Variants in TG observed in about 807,000 individuals in gnomAD.
TG encodes thyroglobulin, also known as thyroid hormones.
Under a neutral mutation model 324.7 loss-of-function variants are expected in TG, and 270 were observed. The observed-to-expected ratio is 0.83, with a 90% CI of 0.75 to 0.92. The LOEUF is 0.92. TG is among the 40% of genes least tolerant of loss of function. The pLI is 0.00. For missense variants in TG, 3,591 were observed against 3,456.4 expected (o/e 1.04, Z -0.98); for synonymous variants, 1,401 against 1,327.0 (o/e 1.06, Z -1.21).
At chr8:132,933,816 G>A in intron 24 of TG, 140 bp downstream of exon 24, 2 of 791,814 alleles carry the variant, frequency 2.5e-6, no homozygotes, top group Non-Finnish European at 4.4e-6. Context: ...TTTCTTCAAA[G>A]CAATGGGACT....
intron 35 of TG, chr8:132,994,608 T>C: frequency 8.7e-7 from 1 of 1,149,496 alleles, no homozygotes; most frequent in Non-Finnish European, 1.1e-6. Flanking sequence ...TAAATGATCC[T>C]TCAGTCATCC....
intron 8 of TG, among the ~76,000 whole-genome samples, chr8:132,884,000 G>T (rs1200960282): frequency 6.6e-6 from 1 of 152,140 alleles, no homozygotes; most frequent in Non-Finnish European, 1.5e-5. Flanking sequence ...AGCAATCTGT[G>T]CATTCTTTGG....
Position 132,972,664 on chromosome 8 carries a change from G to A in TG, c.6122G>A (p.Gly2041Glu). 1 of 1,613,704 alleles carries A rather than the reference G, an allele frequency of 6.2e-7. No individual in the cohort carries two copies. Among genetic ancestry groups the A allele is most frequent in the Middle Eastern group, 1.7e-4 (1 of 6,056 alleles). The change falls in exon 34 of 48, where the codon GGA becomes GAA. Residue 2041 changes from glycine (G) to glutamate (E), a missense_variant. Physicochemically the swap from Gly to Glu is moderately conservative, Grantham distance 98 (BLOSUM62 -2). Transcript: ENST00000220616. ...GIQMCSEENG[G>E]AWRILDCGSP... ...CAGATGTGCAGTGAGGAGAATGGAG[G>A]AGCCTGGCGCATTTTGGACTGTGGC...
chr8:132,967,021 C>G (rs1828663158), intron 30 of TG, among the ~76,000 whole-genome samples: 1 of 147,730 alleles, frequency 6.8e-6, no homozygotes, highest in African/African-American at 2.6e-5. Context: ...TCCCATCCAT[C>G]CTTCCATCCC....
chr8:132,912,435 T>G (rs1277710896), intron 19 of TG, among the ~76,000 whole-genome samples: 1 of 152,040 alleles, frequency 6.6e-6, no homozygotes, highest in African/African-American at 2.4e-5. Context: ...AGCCAAAATG[T>G]TTGCTATGTG....
At chr8:132,964,776 A>T in intron 29 of TG, 1 of 634,682 alleles carries the variant, frequency 1.6e-6, no homozygotes, top group Admixed American at 2.5e-5. Context: ...GGCTAGTGAG[A>T]ATTCCATGTG....
In TG at chr8:133,011,922, C is replaced by A; in HGVS notation, c.6284C>A (p.Ser2095Tyr). Reference sequence around the variant, plus strand: ...CTAGTGTCTCTGGACTCGTGGCAGTCCCTGGCCCTCTCTTCAGTGGTTGTT... The same window carrying A: ...CTAGTGTCTCTGGACTCGTGGCAGTACCTGGCCCTCTCTTCAGTGGTTGTT... ...TEKVSLDSWQSLALSSVVVDP... is the reference protein window; with the variant it reads ...TEKVSLDSWQYLALSSVVVDP... The change falls in exon 36 of 48, where the codon TCC becomes TAC. Residue 2095 changes from serine to tyrosine, a missense_variant. Ser to Tyr is a moderately radical substitution (Grantham distance 144). Transcript: ENST00000220616. 6.2e-7 allele frequency: 1 copy of A among 1,614,198 alleles called. No individual in the cohort carries two copies. Among genetic ancestry groups the A allele is most frequent in the Admixed American group, 1.7e-5 (1 of 60,030 alleles).
At chr8:133,021,449 T>A (rs1413010510) in intron 39 of TG, among the ~76,000 whole-genome samples, 1 of 152,230 alleles carries the variant, frequency 6.6e-6, no homozygotes, top group Non-Finnish European at 1.5e-5. Context: ...CACTCTGCAA[T>A]GTGGGAGAAG....
At chr8:132,905,006 T>C (rs946430089) in intron 16 of TG, among the ~76,000 whole-genome samples, 1 of 152,210 alleles carries the variant, frequency 6.6e-6, no homozygotes, top group African/African-American at 2.4e-5. Context: ...TGCCTCAGTA[T>C]TGGCGTCTGT....
In TG at chr8:132,906,934, G is replaced by C. The variant is rs116597590; in HGVS notation, c.3847+34G>C. ...CATCAGAGCATCTATCCTGCACCCC[G>C]CTCCCTCTCAGGGCTAGGGCTGGGA... On this transcript the variant is annotated intron_variant, in intron 17 of 47. Transcript: ENST00000220616. 1,279 of 1,577,996 alleles carry C rather than the reference G, an allele frequency of 8.1e-4. 12 individuals carry two copies. In the African/African-American group the frequency reaches 0.015, roughly 19 times the overall value.
At chr8:132,927,011 C>T (rs912294474) in intron 22 of TG, among the ~76,000 whole-genome samples, 3 of 152,130 alleles carry the variant, frequency 2.0e-5, no homozygotes, top group Non-Finnish European at 4.4e-5. Context: ...GAAATATTTC[C>T]AGTTCATCTT....
chr8:132,946,301 T>C (rs1359210694), intron 26 of TG, among the ~76,000 whole-genome samples: 1 of 152,162 alleles, frequency 6.6e-6, no homozygotes, highest in Non-Finnish European at 1.5e-5. Flanking sequence ...CACAAAATCC[T>C]TTTTTTCCAT....
chr8:133,045,640 C>T (rs1333725741), intron 41 of TG, among the ~76,000 whole-genome samples: 1 of 152,052 alleles, frequency 6.6e-6, no homozygotes. Context: ...AGTGATCCGC[C>T]CACCTCGGCC....
At chr8:133,068,167 C>T (rs1206508898) in intron 41 of TG, among the ~76,000 whole-genome samples, 2 of 152,240 alleles carry the variant, frequency 1.3e-5, no homozygotes, top group African/African-American at 4.8e-5. Flanking sequence ...GGCAAGCAAT[C>T]TGCTCAAGGT....
intron 26 of TG, among the ~76,000 whole-genome samples, chr8:132,943,662 C>A (rs1477190097): frequency 2.0e-5 from 3 of 152,092 alleles, no homozygotes; most frequent in Admixed American, 6.5e-5. Context: ...GACCTCCGAC[C>A]TTCCCTCGAG....
rs759331695 is a variant in TG, at chr8:133,013,584, T to G, written c.6398-16T>G. ...CTCTGAGGCCCAAGCATCACTCTTC[T>G]CCCTCTTTTCTGCAGAATGTTCCCA... On this transcript the variant is annotated splice_polypyrimidine_tract_variant and intron_variant, in intron 36 of 47. Transcript: ENST00000220616. 3 of 1,614,016 alleles carry G rather than the reference T, an allele frequency of 1.9e-6. No homozygotes were observed. In the South Asian group the frequency reaches 3.3e-5, roughly 18 times the overall value.
intron 39 of TG, among the ~76,000 whole-genome samples, chr8:133,020,482 A>G (rs562778091): frequency 7.8e-4 from 119 of 152,210 alleles, no homozygotes; most frequent in African/African-American, 2.7e-3. Flanking sequence ...TTGGTGAGCT[A>G]CCCAATAAAG....
chr8:132,926,596 A>G (rs192281380), intron 22 of TG, among the ~76,000 whole-genome samples: 11 of 152,244 alleles, frequency 7.2e-5, no homozygotes, highest in African/African-American at 1.9e-4. Context: ...CTTTGAAACT[A>G]TTTCCTAAAG....
chr8:132,902,189 T>G (rs935699645), intron 16 of TG, among the ~76,000 whole-genome samples: 4 of 152,208 alleles, frequency 2.6e-5, no homozygotes, highest in African/African-American at 9.6e-5. Flanking sequence ...TACAAAATAC[T>G]TATTACCAAT....
Sources: gnomAD v4.1 joint callset for allele counts (sites outside exome capture counted in the v4.1 genomes callset) on GRCh38, gnomAD v4.1.1 for gene constraint, MANE v1.5 for transcripts, NCBI Gene and HGNC (gene_info 2026-07-23, HGNC 2026-07-21) for gene names.